NACC2: variants seen among roughly 807,000 people sequenced by gnomAD.
NACC2 encodes the protein NACC family member 2, also known as nucleus accumbens-associated protein 2.
NACC2 carries 8 observed loss-of-function variants against 25.1 expected under a neutral mutation model. The ratio of observed to expected loss-of-function variants is 0.32; its 90% CI spans 0.19 to 0.57. The LOEUF (loss-of-function observed/expected upper bound fraction) is 0.57, where lower values mean the gene tolerates loss of function less well. Among genes scored for constraint, NACC2 ranks in the 20% least tolerant of loss-of-function variants. The pLI, the probability that NACC2 is intolerant of heterozygous loss-of-function variation, is 0.89. For missense variants in NACC2, 644 were observed against 650.2 expected (o/e 0.99, Z 0.10); for synonymous variants, 435 against 294.7 (o/e 1.48, Z -4.88).
chr9:136,072,302 T>A (rs954517285), intron 1 of NACC2, among the ~76,000 whole-genome samples: 24 of 151,606 alleles, frequency 1.6e-4, no homozygotes, highest in African/African-American at 4.6e-4. Flanking sequence ...TCCCAGCACA[T>A]TGGGAGGCCA....
chr9:136,017,384 G>T (rs28608535), intron 2 of NACC2, among the ~76,000 whole-genome samples: 4,109 of 152,224 alleles, frequency 0.027, 206 homozygotes, highest in African/African-American at 0.095. Context: ...GAGGGCCAGG[G>T]CTGAGACCCC....
intron 2 of NACC2, among the ~76,000 whole-genome samples, chr9:136,031,365 T>C (rs1840469947): frequency 1.3e-5 from 2 of 150,842 alleles, no homozygotes; most frequent in South Asian, 2.1e-4. Flanking sequence ...TGAGATAGAG[T>C]CTTGCTCCAT....
intron 2 of NACC2, among the ~76,000 whole-genome samples, chr9:136,024,099 G>A (rs1004745302): frequency 6.6e-6 from 1 of 151,788 alleles, no homozygotes; most frequent in African/African-American, 2.4e-5. Flanking sequence ...CAGAGTGTGT[G>A]TGTGTGTGGG....
At position 136,008,764 on chromosome 9, in the gene NACC2, C is replaced by T. The variant is rs554926445; in HGVS notation, c.*2752G>A. ...GACGTGGAGGGAGCACACAGCAGGT[C>T]CGCTCAGCAGCCACGCACGTCCACA... On this transcript the variant is annotated 3_prime_UTR_variant, in exon 6 of 6. Transcript: ENST00000277554. The T allele has an allele frequency of 6.6e-6, 1 of 152,448 alleles. No individual in the cohort carries two copies. The highest frequency in any genetic ancestry group is 1.9e-4 in the East Asian group (1 of 5,174). The allele number at this position is 152,448 out of a possible 1,614,324, so 9.4% of individuals were successfully genotyped here.
chr9:136,012,061 C>G, intron 5 of NACC2, 37 bp from the exon 6 acceptor site: 1 of 1,475,042 alleles, frequency 6.8e-7, no homozygotes, highest in South Asian at 1.4e-5. Context: ...AGCCACCTGC[C>G]TGCCGGGAGG....
rs1840056759 is a variant in NACC2 at position 136,008,463 on chromosome 9, T to A, written c.*3053A>T. On this transcript the variant is annotated 3_prime_UTR_variant, in exon 6 of 6. Transcript: ENST00000277554. ...GCTCTGTAATAGATTCTATATAGGA[T>A]ATGCGTATTGCTAATAGTCAGGCTT... 1 of 152,272 alleles carries A rather than the reference T, an allele frequency of 6.6e-6. No homozygotes were observed. Among genetic ancestry groups the A allele is most frequent in the African/African-American group, 2.4e-5 (1 of 41,436 alleles). 9.4% of individuals were successfully genotyped at this position (152,272 alleles called of 1,614,324 possible).
chr9:136,043,706 A>G (rs1401438702), intron 2 of NACC2, among the ~76,000 whole-genome samples: 1 of 152,268 alleles, frequency 6.6e-6, no homozygotes, highest in East Asian at 1.9e-4. Flanking sequence ...GACTCTGTGC[A>G]AAGAACCCCA....
At chr9:136,053,679 A>C (rs1840882583) in intron 1 of NACC2, among the ~76,000 whole-genome samples, 2 of 152,192 alleles carry the variant, frequency 1.3e-5, no homozygotes, top group Non-Finnish European at 2.9e-5. Flanking sequence ...AGCTCCCTTC[A>C]CAGACCCACT....
In NACC2 at chr9:136,011,836, CG is replaced by C; in HGVS notation, c.1443del (p.Glu482SerfsTer28). 1 of 1,565,850 alleles carries C rather than the reference CG, an allele frequency of 6.4e-7. No individual in the cohort carries two copies. The highest frequency in any genetic ancestry group is 8.6e-7 in the Non-Finnish European group (1 of 1,158,582). ...GSAAASVPLD[P>X]EFPPAAAQVF... The stretch of plus-strand genomic sequence containing the variant: ...ACCTGTGCCGCGGCAGGCGGGAACT[CG>C]GGGTCGAGGGGCACGCTGGCGGCGG... On this transcript the variant is annotated frameshift_variant, in exon 6 of 6. Transcript: ENST00000277554. LOFTEE classifies it high-confidence loss of function.
Position 136,062,109 on chromosome 9 carries a change from G to A in NACC2, c.-59-11529C>T, listed in dbSNP as rs575387300. ...TACCTGTACTCCAGCCTGGGCAACAGAGCGAGACAGGACAGGACAGGACAG... is the reference window on the plus strand; with the variant it reads ...TACCTGTACTCCAGCCTGGGCAACAAAGCGAGACAGGACAGGACAGGACAG... On this transcript the variant is annotated intron_variant, in intron 1 of 5. Transcript: ENST00000277554. Among the ~76,000 whole-genome samples, 188 of 143,358 alleles carry A rather than the reference G, an allele frequency of 1.3e-3. 3 individuals are homozygous for A. The highest frequency in any genetic ancestry group is 2.2e-3 in the Non-Finnish European group (146 of 66,210). The allele number at this position is 143,358 out of a possible 152,430, so 94.0% of individuals were successfully genotyped here.
Position 136,013,439 on chromosome 9 carries a change from G to T in NACC2, c.1158-143C>A. 1 of 672,632 alleles carries T rather than the reference G, an allele frequency of 1.5e-6. No individual in the cohort carries two copies. 41.7% of individuals were successfully genotyped at this position (672,632 alleles called of 1,614,324 possible). A position where few individuals can be genotyped will look rare whatever the true frequency, so the allele number is the denominator to read the frequency against. Reference sequence around the variant, plus strand: ...GCGTGTGTCCCAGTGGCAGGAGCCGGCCCAGCCACCCTCTAAGGGACAGGA... The same window carrying T: ...GCGTGTGTCCCAGTGGCAGGAGCCGTCCCAGCCACCCTCTAAGGGACAGGA... On this transcript the variant is annotated intron_variant, in intron 4 of 5. Transcript: ENST00000277554. This position sits in a 1 kb window ranked among gnomAD's most constrained non-coding sequence, Gnocchi z 6.6.
rs1050072999 is a variant in NACC2 at position 136,047,902 on chromosome 9, G to A, written c.886+1734C>T. Reference sequence around the variant, plus strand: ...GCTTCACCGTGCTCCCAGCAAACCCGACACCCAGCCCTGGCTCCCATCACC... The same window carrying A: ...GCTTCACCGTGCTCCCAGCAAACCCAACACCCAGCCCTGGCTCCCATCACC... On this transcript the variant is annotated intron_variant, in intron 2 of 5. Coordinates refer to ENST00000277554, the MANE Select transcript of NACC2 (RefSeq NM_144653.5). Among the ~76,000 whole-genome samples the A allele has an allele frequency of 2.4e-3, 371 of 152,280 alleles. 3 individuals carry two copies. Among genetic ancestry groups the A allele is most frequent in the African/African-American group, 8.5e-3 (354 of 41,532 alleles).
At chr9:136,046,198 G>A (rs1224491795) in intron 2 of NACC2, among the ~76,000 whole-genome samples, 1 of 152,080 alleles carries the variant, frequency 6.6e-6, no homozygotes, top group Non-Finnish European at 1.5e-5. Context: ...GAAGGGATGG[G>A]GGTGCAGGGG....
At chr9:136,062,139 G>A (rs1281969187) in intron 1 of NACC2, among the ~76,000 whole-genome samples, 1 of 149,494 alleles carries the variant, frequency 6.7e-6, no homozygotes, top group Non-Finnish European at 1.5e-5. Context: ...GGACAGGACA[G>A]GACAGGACAG....
At chr9:136,088,659 C>T (rs1038211760) in intron 1 of NACC2, among the ~76,000 whole-genome samples, 4 of 152,106 alleles carry the variant, frequency 2.6e-5, no homozygotes, top group African/African-American at 4.8e-5. Flanking sequence ...CCCACCCAGC[C>T]GGCCAGGAGG....
At chr9:136,012,137 C>A in intron 5 of NACC2, 113 bp from the exon 6 acceptor site, 1 of 1,287,364 alleles carries the variant, frequency 7.8e-7, no homozygotes, top group South Asian at 1.6e-5. Flanking sequence ...GCTCCTGGGG[C>A]CCATGTGACC....
rs951672263 is a variant in NACC2 at position 136,050,300 on chromosome 9, C to A, written c.222G>T (p.Pro74=). The change falls in exon 2 of 6, where the codon CCG becomes CCT. Residue 74 remains proline, a synonymous_variant. Coordinates refer to ENST00000277554, the MANE Select transcript of NACC2 (RefSeq NM_144653.5). ...KSAFELPGSV[P]PACFQQILSF... The stretch of plus-strand genomic sequence containing the variant: ...ACAGGATCTGCTGGAAGCAGGCGGG[C>A]GGCACGGAGCCGGGCAGCTCGAAGG... The A allele has an allele frequency of 6.7e-6, 5 of 746,390 alleles. No homozygotes were observed. Among genetic ancestry groups the A allele is most frequent in the African/African-American group, 3.4e-5 (2 of 58,342 alleles). 46.2% of individuals were successfully genotyped at this position (746,390 alleles called of 1,614,324 possible).
At position 136,055,192 on chromosome 9, in the gene NACC2, C is replaced by A. The variant is rs998483613; in HGVS notation, c.-59-4612G>T. Among the ~76,000 whole-genome samples the A allele has an allele frequency of 5.9e-5, 9 of 152,146 alleles. No homozygotes were observed. The highest frequency in any genetic ancestry group is 2.2e-4 in the African/African-American group (9 of 41,456). ...GCAACCTGCCGATGGGTGAGAGGAG[C>A]CCGCGGGGAGGACAGGGGCTCACTG... On this transcript the variant is annotated intron_variant, in intron 1 of 5. Coordinates refer to ENST00000277554, the MANE Select transcript of NACC2 (RefSeq NM_144653.5). The surrounding 1 kb of genome is among the most constrained non-coding windows in gnomAD (Gnocchi z 4.9).
chr9:136,025,831 C>T (rs1323640520), intron 2 of NACC2, among the ~76,000 whole-genome samples: 2 of 152,094 alleles, frequency 1.3e-5, no homozygotes. Context: ...AGGAGAATCG[C>T]TTGAACCCAG....
Sources: allele counts gnomAD v4.1 joint callset (sites outside exome capture counted in the v4.1 genomes callset), GRCh38; gene constraint gnomAD v4.1.1; non-coding constraint Gnocchi (gnomAD v3.1); transcripts MANE v1.5; gene names NCBI Gene and HGNC (gene_info 2026-07-23, HGNC 2026-07-21).